The following PRR14L variants were observed in gnomAD, a reference collection of about 807,000 sequenced individuals.
PRR14L encodes protein PRR14L.
In PRR14L, 80 loss-of-function variants were observed where a neutral mutation model predicts 155.0. The ratio of observed to expected loss-of-function variants is 0.52; its 90% CI spans 0.43 to 0.62. The LOEUF (loss-of-function observed/expected upper bound fraction) is 0.62, where lower values mean the gene tolerates loss of function less well. PRR14L is among the 20% of genes least tolerant of loss of function. The pLI is 0.00. For synonymous variants in PRR14L, 883 were observed against 916.0 expected, an observed-to-expected ratio of 0.96 and a Z score of 0.65; for missense variants, 2,469 against 2,548.0, an observed-to-expected ratio of 0.97 and a Z score of 0.67.
At chr22:31,694,177 T>C (rs2099124088) in intron 7 of PRR14L, among the ~76,000 whole-genome samples, 1 of 152,024 alleles carries the variant, frequency 6.6e-6, no homozygotes, top group Non-Finnish European at 1.5e-5. Flanking sequence ...TCTGGAAGGC[T>C]GAGGGAGGAG....
intron 8 of PRR14L, 65 bp from the exon 9 acceptor site, chr22:31,685,868 T>C: frequency 6.8e-7 from 1 of 1,463,430 alleles, no homozygotes; most frequent in Non-Finnish European, 9.3e-7. Flanking sequence ...GTCAACAGGG[T>C]CAGGATGTTG....
At chr22:31,711,106 C>T (rs2015608864) in intron 4 of PRR14L, among the ~76,000 whole-genome samples, 2 of 152,124 alleles carry the variant, frequency 1.3e-5, no homozygotes, top group African/African-American at 4.8e-5. Flanking sequence ...ATGTTACAAG[C>T]GATTGTGTGT....
chr22:31,704,299 A>G (rs754761867), intron 5 of PRR14L: 13 of 171,746 alleles, frequency 7.6e-5, no homozygotes, highest in Non-Finnish European at 1.4e-4. Flanking sequence ...GGTGAGGAAG[A>G]TATCTGGTAA....
At chr22:31,706,610 C>T (rs1330282064) in intron 4 of PRR14L, among the ~76,000 whole-genome samples, 1 of 151,874 alleles carries the variant, frequency 6.6e-6, no homozygotes, top group African/African-American at 2.4e-5. Flanking sequence ...TCTTAGTAGA[C>T]ACGGGGTTTC....
intron 2 of PRR14L, among the ~76,000 whole-genome samples, chr22:31,738,054 C>T (rs1266843919): frequency 1.3e-5 from 2 of 151,668 alleles, no homozygotes; most frequent in Admixed American, 6.6e-5. Flanking sequence ...CTCTGTGATA[C>T]CTCACTCCAA....
chr22:31,691,330 C>T (rs181565213), intron 7 of PRR14L, among the ~76,000 whole-genome samples: 2 of 151,478 alleles, frequency 1.3e-5, no homozygotes, highest in South Asian at 2.1e-4. Context: ...TCAGCTCAAG[C>T]GATCCTCCAG....
chr22:31,708,679 C>T (rs988849719), intron 4 of PRR14L, among the ~76,000 whole-genome samples: 16 of 151,936 alleles, frequency 1.1e-4, no homozygotes, highest in African/African-American at 3.4e-4. Flanking sequence ...CTCACTTTGC[C>T]GTCCAGGCTG....
intron 2 of PRR14L, among the ~76,000 whole-genome samples, chr22:31,726,042 G>A (rs1291200129): frequency 1.3e-5 from 2 of 152,070 alleles, no homozygotes; most frequent in Admixed American, 1.3e-4. Flanking sequence ...ATTGGGCACT[G>A]AAGGAAACCT....
chr22:31,729,939 C>T (rs557388871), intron 2 of PRR14L, among the ~76,000 whole-genome samples: 10 of 151,962 alleles, frequency 6.6e-5, no homozygotes, highest in Admixed American at 2.0e-4. Context: ...TATGGGAGGC[C>T]GAGGTGGGCG....
At chr22:31,696,965 A>C (rs1486921265) in intron 7 of PRR14L, among the ~76,000 whole-genome samples, 1 of 152,134 alleles carries the variant, frequency 6.6e-6, no homozygotes, top group Non-Finnish European at 1.5e-5. Context: ...AAATACAAAA[A>C]TTAGCTGGGT....
chr22:31,719,221 A>C (rs1023399913), intron 3 of PRR14L, among the ~76,000 whole-genome samples: 6 of 151,382 alleles, frequency 4.0e-5, no homozygotes, highest in Non-Finnish European at 8.8e-5. Flanking sequence ...GGGCAACACA[A>C]GGAGACTCTG....
chr22:31,714,248 A>T lies in PRR14L; in HGVS notation c.3591T>A (p.Thr1197=). 1 of 1,551,354 alleles carries T rather than the reference A, an allele frequency of 6.4e-7. No individual in the cohort carries two copies. Among genetic ancestry groups the T allele is most frequent in the East Asian group, 2.4e-5 (1 of 40,906 alleles). The change falls in exon 4 of 9, where the codon ACT becomes ACA. Residue 1197 remains threonine (T), a synonymous_variant. Coordinates refer to ENST00000327423, the MANE Select transcript of PRR14L (RefSeq NM_173566.3). ...GTSLRETQEM[T]EGSRLEPNSE... is the part of the protein sequence containing the mutation. The stretch of plus-strand genomic sequence containing the variant: ...AGTTTGGTTCTAGTCTTGATCCTTC[A>T]GTCATTTCTTGTGTTTCTCTGAGAG...
At position 31,685,336 on chromosome 22, in the gene PRR14L, CCTT is replaced by C; in HGVS notation, c.*188_*190del. 1.7e-6 allele frequency: 1 copy of C among 582,812 alleles called. No individual in the cohort carries two copies. Among genetic ancestry groups the C allele is most frequent in the Non-Finnish European group, 3.0e-6 (1 of 331,692 alleles). 36.1% of individuals were successfully genotyped at this position (582,812 alleles called of 1,614,324 possible). On this transcript the variant is annotated 3_prime_UTR_variant, in exon 9 of 9. Transcript: ENST00000327423. Reference sequence around the variant, plus strand: ...CTCAGCAGTAAAAGTAGAGGACCCTCCTTCACCAGTTTCTAAAAAGGTTGCACC... The same window carrying C: ...CTCAGCAGTAAAAGTAGAGGACCCTCCACCAGTTTCTAAAAAGGTTGCACC...
rs1172777711 is a variant in PRR14L, at chr22:31,716,125, T to C, written c.1714A>G (p.Ile572Val). ...TGATCCTCTGGCATTAAACTCACAA[T>C]GGATTTTCTTTCAAACAGAAAATCA... Reference protein sequence around the residue: ...CNDFLFERKSIVSLMPEDQIS... With the variant: ...CNDFLFERKSVVSLMPEDQIS... The change falls in exon 4 of 9, where the codon ATT becomes GTT. Residue 572 changes from isoleucine (I) to valine (V), a missense_variant. Around this residue, in one of 2 missense-constraint regions of PRR14L, gnomAD observed 2,363 missense variants for 2,371.6 expected, o/e 1.00. Coordinates refer to ENST00000327423, the MANE Select transcript of PRR14L (RefSeq NM_173566.3). The C allele has an allele frequency of 2.6e-6, 4 of 1,551,214 alleles. No individual in the cohort carries two copies. The highest frequency in any genetic ancestry group is 2.4e-5 in the South Asian group (2 of 84,064).
At chr22:31,693,743 C>G (rs1877044377) in intron 7 of PRR14L, among the ~76,000 whole-genome samples, 1 of 152,176 alleles carries the variant, frequency 6.6e-6, no homozygotes, top group African/African-American at 2.4e-5. Flanking sequence ...CTCCCTTGAT[C>G]ATATTTTTTG....
intron 2 of PRR14L, among the ~76,000 whole-genome samples, chr22:31,732,482 C>G (rs2074755524): frequency 6.6e-6 from 1 of 152,104 alleles, no homozygotes; most frequent in Non-Finnish European, 1.5e-5. Flanking sequence ...GCAACCAGTC[C>G]CCAGTAAAAT....
At chr22:31,724,217 A>G (rs2074705440) in intron 3 of PRR14L, among the ~76,000 whole-genome samples, 1 of 152,240 alleles carries the variant, frequency 6.6e-6, no homozygotes, top group African/African-American at 2.4e-5. Flanking sequence ...GGGAAGTTGT[A>G]TAATTATTTC....
chr22:31,687,546 G>C (rs1439255858), intron 8 of PRR14L, among the ~76,000 whole-genome samples: 1 of 149,708 alleles, frequency 6.7e-6, no homozygotes, highest in Admixed American at 6.7e-5. Flanking sequence ...GTAGAGACAG[G>C]GTTCACCATG....
chr22:31,739,405 G>A (rs2074800479), intron 1 of PRR14L, among the ~76,000 whole-genome samples: 1 of 152,186 alleles, frequency 6.6e-6, no homozygotes, highest in Non-Finnish European at 1.5e-5. Flanking sequence ...CCTCTTTGAG[G>A]GAGGATAGGG....
Sources: allele counts gnomAD v4.1 joint callset (sites outside exome capture counted in the v4.1 genomes callset), GRCh38; gene constraint gnomAD v4.1.1; regional missense constraint gnomAD v4.1.1; transcripts MANE v1.5; gene names NCBI Gene and HGNC (gene_info 2026-07-23, HGNC 2026-07-21).